The following FDXR variants were observed in gnomAD, a reference collection of about 807,000 sequenced individuals.
The protein encoded by FDXR is NADPH:adrenodoxin oxidoreductase, mitochondrial.
In FDXR, 38 loss-of-function variants were observed where a neutral mutation model predicts 58.3. The ratio of observed to expected loss-of-function variants is 0.65; its 90% CI spans 0.50 to 0.85. The LOEUF (loss-of-function observed/expected upper bound fraction) is 0.85. Among genes scored for constraint, FDXR ranks in the 40% least tolerant of loss-of-function variants. The pLI is 0.00. For synonymous variants in FDXR, 275 were observed against 273.8 expected (o/e 1.00, Z -0.04); for missense variants, 624 against 671.0 (o/e 0.93, Z 0.77).
chr17:74,864,045 G>A lies in FDXR; in HGVS notation c.1025C>T (p.Ala342Val). 1.2e-6 allele frequency: 2 copies of A among 1,613,974 alleles called. No individual in the cohort carries two copies. The highest frequency in any genetic ancestry group is 2.2e-5 in the East Asian group (1 of 44,888). Residue 342 changes from alanine (A) to valine (V), a missense_variant, in exon 10 of 12, where the codon GCA becomes GTA. By Grantham distance (64) the Ala-to-Val change is moderately conservative. Coordinates refer to ENST00000293195, the MANE Select transcript of FDXR (RefSeq NM_024417.5). ...RLEGVDEATR[A>V]VPTGDMEDLP... ...GTCTTCCATGTCTCCCGTGGGCACT[G>A]CACGGGTGGCCTCATCGACACCCTG...
intron 2 of FDXR, chr17:74,869,967 C>G (rs765684000): frequency 4.4e-6 from 2 of 453,730 alleles, no homozygotes. Context: ...GCAAGAGGCA[C>G]GACACCTGCT....
chr17:74,865,845 G>A (rs1478146916), intron 5 of FDXR, 25 bp from the exon 6 acceptor site: 3 of 1,566,498 alleles, frequency 1.9e-6, no homozygotes, highest in Non-Finnish European at 2.6e-6. Context: ...TCTTGATAGG[G>A]TCCCCCAGCC....
chr17:74,866,520 A>G lies in FDXR; in HGVS notation c.319T>C (p.Phe107Leu). The part of the protein sequence containing the change: ...TQTAHSGRCA[F>L]WGNVEVGRDV... ...CTGCCCACCTCCACGTTGCCCCAGA[A>G]GGCACAGCGGCCAGAATGGGCCGTC... The change falls in exon 4 of 12, where the codon TTC becomes CTC. Residue 107 changes from phenylalanine to leucine, a missense_variant. By Grantham distance (22) the Phe-to-Leu change is conservative. Coordinates refer to ENST00000293195, the MANE Select transcript of FDXR (RefSeq NM_024417.5). 1 of 1,613,780 alleles carries G rather than the reference A, an allele frequency of 6.2e-7. No individual in the cohort carries two copies. The highest frequency in any genetic ancestry group is 8.5e-7 in the Non-Finnish European group (1 of 1,180,014).
In FDXR at chr17:74,862,571, G is replaced by A. The variant is rs1252735012; in HGVS notation, c.*246C>T. ...TCCACAGTCCAGCAGTAGAGAGATG[G>A]GTAAGGGGTTAGATCGGCCCACACC... is the stretch of plus-strand genomic sequence containing the variant. On this transcript the variant is annotated 3_prime_UTR_variant, in exon 12 of 12. Transcript: ENST00000293195. 1 of 500,262 alleles carries A rather than the reference G, an allele frequency of 2.0e-6. No individual in the cohort carries two copies. The highest frequency in any genetic ancestry group is 3.2e-5 in the East Asian group (1 of 31,506). 31.0% of individuals were successfully genotyped at this position (500,262 alleles called of 1,614,324 possible).
At position 74,866,818 on chromosome 17, in the gene FDXR, C is replaced by T. The variant is rs1302990152; in HGVS notation, c.236G>A (p.Arg79His). The part of the protein sequence containing the change: ...EKQPVPFGLV[R>H]FGVAPDHPEV... The stretch of plus-strand genomic sequence containing the variant: ...GGGGTGATCAGGCGCCACACCAAAG[C>T]GCACCAGGCCAAAGGGCACAGGCTG... Residue 79 changes from arginine to histidine, a missense_variant, in exon 3 of 12, where the codon CGC becomes CAC. Coordinates refer to ENST00000293195, the MANE Select transcript of FDXR (RefSeq NM_024417.5). 16 of 1,614,082 alleles carry T rather than the reference C, an allele frequency of 9.9e-6. No homozygotes were observed. Among genetic ancestry groups the T allele is most frequent in the Non-Finnish European group, 1.4e-5 (16 of 1,180,050 alleles).
rs2038080928 is a variant in FDXR, at chr17:74,864,184, C to A, written c.966G>T (p.Arg322=). Residue 322 remains arginine (R), a synonymous_variant, in exon 9 of 12, where the codon CGG becomes CGT. Coordinates refer to ENST00000293195, the MANE Select transcript of FDXR (RefSeq NM_024417.5). ...QQVLPSPDGR[R]AAGVRLAVTR... ...TGACTGCTAGGCGGACACCTGCTGCCCGCCGCCCATCTGGTGAGGGCAGCA... is the reference window on the plus strand; with the variant it reads ...TGACTGCTAGGCGGACACCTGCTGCACGCCGCCCATCTGGTGAGGGCAGCA... The A allele has an allele frequency of 6.8e-6, 11 of 1,612,576 alleles. No homozygotes were observed. The highest frequency in any genetic ancestry group is 9.3e-6 in the Non-Finnish European group (11 of 1,179,994).
intron 2 of FDXR, among the ~76,000 whole-genome samples, chr17:74,868,053 T>C (rs906199369): frequency 2.0e-4 from 30 of 147,656 alleles, no homozygotes; most frequent in African/African-American, 7.3e-4. Flanking sequence ...TCAGTCTCCC[T>C]ACCCCCAACA....
intron 2 of FDXR, 188 bp from the exon 3 acceptor site, chr17:74,867,064 T>C (rs1330229888): frequency 2.3e-5 from 31 of 1,335,670 alleles, no homozygotes; most frequent in Non-Finnish European, 3.0e-5. Flanking sequence ...CCCAGCACTT[T>C]GGGAGGCTGA....
At chr17:74,864,964 A>C (rs752745486) in intron 6 of FDXR, 33 bp from the exon 7 acceptor site, 12 of 1,613,708 alleles carry the variant, frequency 7.4e-6, no homozygotes, top group Non-Finnish European at 1.0e-5. Context: ...GAGTCATCAG[A>C]CACTGACCGA....
chr17:74,862,651 G>C lies in FDXR; in HGVS notation c.*166C>G, dbSNP rs866764736. Reference sequence around the variant, plus strand: ...CTGAAAGCTAAAACCTTGCGCGCAAGGGCGACCTTCCCCAGGAGGGAGGAG... The same window carrying C: ...CTGAAAGCTAAAACCTTGCGCGCAACGGCGACCTTCCCCAGGAGGGAGGAG... On this transcript the variant is annotated 3_prime_UTR_variant, in exon 12 of 12. Coordinates refer to ENST00000293195, the MANE Select transcript of FDXR (RefSeq NM_024417.5). The C allele has an allele frequency of 4.1e-5, 40 of 980,264 alleles. No individual in the cohort carries two copies. The South Asian group carries it at 6.3e-4, about 15-fold the overall frequency. The allele number at this position is 980,264 out of a possible 1,614,324, so 60.7% of individuals were successfully genotyped here.
At chr17:74,866,726 C>A (rs1417812721) in intron 3 of FDXR, 58 bp downstream of exon 3, 12 of 1,597,318 alleles carry the variant, frequency 7.5e-6, no homozygotes, top group Non-Finnish European at 1.0e-5. Context: ...AGCCTCCCTG[C>A]CCTCCTCATC....
intron 2 of FDXR, among the ~76,000 whole-genome samples, chr17:74,867,293 C>A (rs1192671688): frequency 2.0e-5 from 2 of 101,404 alleles, no homozygotes; most frequent in Admixed American, 3.2e-4. Flanking sequence ...GGTGACAGAG[C>A]AAGACTCTGT....
At chr17:74,869,491 C>T (rs2038301842) in intron 2 of FDXR, among the ~76,000 whole-genome samples, 2 of 152,168 alleles carry the variant, frequency 1.3e-5, no homozygotes, top group South Asian at 4.1e-4. Context: ...CACACAGGCA[C>T]CTTCCAGAAC....
At position 74,872,878 on chromosome 17, in the gene FDXR, C is replaced by A. The variant is rs1192392998; in HGVS notation, c.67G>T (p.Gly23Trp). Residue 23 changes from glycine (G) to tryptophan (W), a missense_variant, in exon 1 of 12, where the codon GGG becomes TGG. Transcript: ENST00000293195. ...AWPRTRLPPA[G>W]STPSFCHHFS... ...GCCCTGCTCCTACTCGGGGTGCTCCCGGCGGGAGGCAGCCGGGTCCGAGGC... is the reference window on the plus strand; with the variant it reads ...GCCCTGCTCCTACTCGGGGTGCTCCAGGCGGGAGGCAGCCGGGTCCGAGGC... 6.5e-7 allele frequency: 1 copy of A among 1,548,636 alleles called. No individual in the cohort carries two copies. Among genetic ancestry groups the A allele is most frequent in the East Asian group, 2.4e-5 (1 of 41,112 alleles).
chr17:74,868,807 C>T, intron 2 of FDXR: 1 of 1,405,244 alleles, frequency 7.1e-7, no homozygotes, highest in South Asian at 1.5e-5. Context: ...AACCCACTCC[C>T]TCCTGCGACC....
chr17:74,864,579 C>T lies in FDXR; in HGVS notation c.718-15G>A, dbSNP rs377589541. The T allele has an allele frequency of 6.2e-7, 1 of 1,610,718 alleles. No homozygotes were observed. On this transcript the variant is annotated splice_polypyrimidine_tract_variant and intron_variant, in intron 7 of 11. Coordinates refer to ENST00000293195, the MANE Select transcript of FDXR (RefSeq NM_024417.5). Reference sequence around the variant, plus strand: ...TCCCGAAGCTCCTTGAAGGTGGGAGCAGGGAATGGGGGAGGAGGTCAGGCC... The same window carrying T: ...TCCCGAAGCTCCTTGAAGGTGGGAGTAGGGAATGGGGGAGGAGGTCAGGCC...
Position 74,862,834 on chromosome 17 carries a change from G to A in FDXR, c.1459C>T (p.Arg487Cys), listed in dbSNP as rs143458938. 1,215 of 1,611,354 alleles carry A rather than the reference G, an allele frequency of 7.5e-4. 2 individuals are homozygous for A. The highest frequency in any genetic ancestry group is 9.1e-4 in the Non-Finnish European group (1,079 of 1,179,828). The change falls in exon 12 of 12, where the codon CGC (arginine) becomes TGC (cysteine). Residue 487 changes from arginine (R) to cysteine (C), a missense_variant. By Grantham distance (180) the Arg-to-Cys change is radical. Transcript: ENST00000293195. ...GGCTGGGCTCAGTGGCCCAGGAGGC[G>A]CAGCATCTCCTGAGGATCCACCAGC... ...EKLVDPQEML[R>C]LLGH
At chr17:74,872,680 T>C (rs138703919) in intron 1 of FDXR, 186 bp downstream of exon 1, 31 of 1,331,124 alleles carry the variant, frequency 2.3e-5, no homozygotes, top group South Asian at 2.8e-5. Flanking sequence ...TCTCTAACCC[T>C]AGAAGCCTCA....
Position 74,866,490 on chromosome 17 carries a change from C to T in FDXR, c.349G>A (p.Val117Met), listed in dbSNP as rs769402154. ...GCCTCCTGCAGCTCCGGCACCGTCA[C>T]GTCCCTGCCCACCTCCACGTTGCCC... is the stretch of plus-strand genomic sequence containing the variant. Reference protein sequence around the residue: ...FWGNVEVGRDVTVPELQEAYH... With the variant: ...FWGNVEVGRDMTVPELQEAYH... The change falls in exon 4 of 12, where the codon GTG becomes ATG. Residue 117 changes from valine to methionine, a missense_variant. By Grantham distance (21) the Val-to-Met change is conservative. Coordinates refer to ENST00000293195, the MANE Select transcript of FDXR (RefSeq NM_024417.5). 1.8e-5 allele frequency: 29 copies of T among 1,613,570 alleles called. No individual in the cohort carries two copies. The highest frequency in any genetic ancestry group is 4.5e-5 in the East Asian group (2 of 44,880).
Sources: allele counts gnomAD v4.1 joint callset (sites outside exome capture counted in the v4.1 genomes callset), GRCh38; gene constraint gnomAD v4.1.1; transcripts MANE v1.5; gene names NCBI Gene and HGNC (gene_info 2026-07-23, HGNC 2026-07-21).